RBFOX3: variants seen among roughly 807,000 people sequenced by gnomAD.
RBFOX3 encodes RNA binding protein fox-1 homolog 3.
In RBFOX3, 17 loss-of-function variants were observed where a neutral mutation model predicts 48.7. The ratio of observed to expected loss-of-function variants is 0.35; its 90% CI spans 0.24 to 0.52. The LOEUF (loss-of-function observed/expected upper bound fraction) is 0.52, where lower values mean the gene tolerates loss of function less well. Ranked by LOEUF, RBFOX3 falls within the 20% of genes least tolerant of loss-of-function variation. The pLI is 0.94. For synonymous variants in RBFOX3, 212 were observed against 209.5 expected (o/e 1.01, Z -0.10); for missense variants, 382 against 497.5 (o/e 0.77, Z 2.21).
chr17:79,557,844 A>G (rs923144088), intron 1 of RBFOX3, among the ~76,000 whole-genome samples: 24 of 152,308 alleles, frequency 1.6e-4, no homozygotes, highest in African/African-American at 5.3e-4. Flanking sequence ...GATCTGGAAG[A>G]CAACAGACAG....
Position 79,096,639 on chromosome 17 carries a change from G to T in RBFOX3, c.936+14C>A, listed in dbSNP as rs1459023595. 2.8e-6 allele frequency: 4 copies of T among 1,432,200 alleles called. No homozygotes were observed. The East Asian group carries it at 1.0e-4, about 36-fold the overall frequency. The allele number at this position is 1,432,200 out of a possible 1,614,324, so 88.7% of individuals were successfully genotyped here. Reference sequence around the variant, plus strand: ...GCCTGATCCCACCCTCCCTCCCGGCGGGGCTACACTTACATAAATCTCAGC... The same window carrying T: ...GCCTGATCCCACCCTCCCTCCCGGCTGGGCTACACTTACATAAATCTCAGC... On this transcript the variant is annotated intron_variant, in intron 12 of 14. Coordinates refer to ENST00000693108, the MANE Select transcript of RBFOX3 (RefSeq NM_001350451.2).
intron 2 of RBFOX3, among the ~76,000 whole-genome samples, chr17:79,333,265 G>A (rs968670275): frequency 3.3e-5 from 5 of 152,174 alleles, no homozygotes; most frequent in African/African-American, 1.2e-4. Context: ...GGGGGAAGGT[G>A]TCCTCGCTTC....
At chr17:79,533,182 C>T (rs1458534332) in intron 1 of RBFOX3, among the ~76,000 whole-genome samples, 6 of 152,206 alleles carry the variant, frequency 3.9e-5, no homozygotes, top group African/African-American at 9.6e-5. Flanking sequence ...GACTTGAACC[C>T]GGCCATTTCA....
intron 2 of RBFOX3, among the ~76,000 whole-genome samples, chr17:79,468,741 G>A (rs1478754431): frequency 1.3e-5 from 2 of 151,746 alleles, no homozygotes; most frequent in African/African-American, 4.8e-5. Flanking sequence ...AGATAGGCAG[G>A]CAGATAGACA....
chr17:79,182,336 G>A (rs2052205020), intron 4 of RBFOX3, among the ~76,000 whole-genome samples: 1 of 152,204 alleles, frequency 6.6e-6, no homozygotes, highest in Admixed American at 6.5e-5. Context: ...CCAGGAGGAA[G>A]AGACAGGCCC....
At chr17:79,112,169 G>C (rs888670428) in intron 5 of RBFOX3, among the ~76,000 whole-genome samples, 1 of 152,174 alleles carries the variant, frequency 6.6e-6, no homozygotes, top group African/African-American at 2.4e-5. Flanking sequence ...AAAGTCACTG[G>C]GGGTGGTCGG....
intron 4 of RBFOX3, among the ~76,000 whole-genome samples, chr17:79,152,175 G>A (rs1308114437): frequency 3.3e-5 from 5 of 152,038 alleles, no homozygotes; most frequent in African/African-American, 1.2e-4. Flanking sequence ...AGGGGCCAGG[G>A]TTGGGGAGCC....
intron 2 of RBFOX3, among the ~76,000 whole-genome samples, chr17:79,474,580 C>T (rs1191000499): frequency 6.6e-6 from 1 of 152,174 alleles, no homozygotes; most frequent in East Asian, 1.9e-4. Context: ...TGCAGAAGGT[C>T]ACCTCACTCA....
At chr17:79,202,938 G>A (rs1334493710) in intron 4 of RBFOX3, among the ~76,000 whole-genome samples, 3 of 152,088 alleles carry the variant, frequency 2.0e-5, no homozygotes, top group Admixed American at 6.5e-5. Context: ...AGCCCCCAGC[G>A]CCCACAGTGG....
At chr17:79,097,997 G>A in intron 9 of RBFOX3, 1 of 529,648 alleles carries the variant, frequency 1.9e-6, no homozygotes. Flanking sequence ...TCCTCAGCCT[G>A]CCCCTGAGCA....
In RBFOX3 at chr17:79,550,747, G is replaced by A. The variant is rs1466898979; in HGVS notation, c.-320+60079C>T. Reference sequence around the variant, plus strand: ...TGAGTGGATGGAAGAATGGATAAGCGGATAGGTGGCTGTGTGGATGAATGC... The same window carrying A: ...TGAGTGGATGGAAGAATGGATAAGCAGATAGGTGGCTGTGTGGATGAATGC... On this transcript the variant is annotated intron_variant, in intron 1 of 14. Transcript: ENST00000693108. Among the ~76,000 whole-genome samples the A allele has an allele frequency of 7.9e-5, 12 of 152,250 alleles. No homozygotes were observed. In the South Asian group the frequency reaches 1.5e-3, roughly 18 times the overall value.
At chr17:79,602,495 T>A (rs936718900) in intron 1 of RBFOX3, among the ~76,000 whole-genome samples, 7,818 of 152,200 alleles carry the variant, frequency 0.051, 315 homozygotes, top group East Asian at 0.26. Flanking sequence ...GCAGCCAGGA[T>A]GGCCGGTGAA....
Position 79,319,798 on chromosome 17 carries a change from C to CTGTCTGGGCTGCTGGTCTA in RBFOX3, c.-174-11975_-174-11974insTAGACCAGCAGCCCAGACA, listed in dbSNP as rs1555667181. 2.5e-3 allele frequency among the ~76,000 whole-genome samples: 318 copies of CTGTCTGGGCTGCTGGTCTA among 127,830 alleles called. 52 individuals carry two copies. Among genetic ancestry groups the CTGTCTGGGCTGCTGGTCTA allele is most frequent in the South Asian group, 3.5e-3 (13 of 3,726 alleles). The allele number at this position is 127,830 out of a possible 152,430, so 83.9% of individuals were successfully genotyped here. On this transcript the variant is annotated intron_variant, in intron 2 of 14. Coordinates refer to ENST00000693108, the MANE Select transcript of RBFOX3 (RefSeq NM_001350451.2). ...CTGGTCTATGTCTGGGCTGTTGGTCCTGTCTGGGCTGTTGGTCTTGTCCAG... is the reference window on the plus strand; with the variant it reads ...CTGGTCTATGTCTGGGCTGTTGGTCCTGTCTGGGCTGCTGGTCTATGTCTGGGCTGTTGGTCTTGTCCAG...
intron 1 of RBFOX3, among the ~76,000 whole-genome samples, chr17:79,583,732 T>C (rs1046780103): frequency 2.6e-5 from 4 of 152,192 alleles, no homozygotes; most frequent in African/African-American, 7.2e-5. Context: ...ACTATCATCA[T>C]GTTTGCATTT....
the RBFOX3 span, among the ~76,000 whole-genome samples, chr17:79,621,390 T>C: frequency 2.6e-5 from 4 of 152,196 alleles, no homozygotes; most frequent in Non-Finnish European, 4.4e-5. Context: ...AATGGAGCCC[T>C]GAGCAACCCT....
chr17:79,153,130 G>C (rs1428096289), intron 4 of RBFOX3, among the ~76,000 whole-genome samples: 1 of 152,214 alleles, frequency 6.6e-6, no homozygotes, highest in Non-Finnish European at 1.5e-5. Context: ...CCCTGGTCCA[G>C]CTGTGTCTGC....
At chr17:79,348,878 A>T (rs2083374474) in intron 2 of RBFOX3, among the ~76,000 whole-genome samples, 1 of 151,688 alleles carries the variant, frequency 6.6e-6, no homozygotes, top group African/African-American at 2.4e-5. Flanking sequence ...CCCCGGCCTA[A>T]ACCCACTTTT....
At chr17:79,623,054 G>A in the RBFOX3 span, among the ~76,000 whole-genome samples, 22 of 152,158 alleles carry the variant, frequency 1.4e-4, no homozygotes, top group Middle Eastern at 3.4e-3. Flanking sequence ...ACACCTGACC[G>A]GGGAGCCAGA....
chr17:79,419,370 C>T (rs66697454), intron 2 of RBFOX3, among the ~76,000 whole-genome samples: 20,440 of 152,230 alleles, frequency 0.13, 1,411 homozygotes, highest in Admixed American at 0.17. Context: ...GATGAGCCAA[C>T]GCCTCACCAC....
Sources: gnomAD v4.1 joint callset for allele counts (sites outside exome capture counted in the v4.1 genomes callset) on GRCh38, gnomAD v4.1.1 for gene constraint, MANE v1.5 for transcripts, NCBI Gene and HGNC (gene_info 2026-07-23, HGNC 2026-07-21) for gene names.